KITLG: variants seen among roughly 807,000 people sequenced by gnomAD.
The protein encoded by KITLG is KIT ligand.
Under a neutral mutation model 34.1 loss-of-function variants are expected in KITLG, and 13 were observed. That is an observed-to-expected ratio of 0.38 (90% confidence interval 0.25 to 0.61). KITLG has a LOEUF of 0.61. Among genes scored for constraint, KITLG ranks in the 20% least tolerant of loss-of-function variants. KITLG has a pLI of 0.60. For missense variants in KITLG, 292 were observed against 318.9 expected (o/e 0.92, Z 0.64); for synonymous variants, 110 against 104.0 (o/e 1.06, Z -0.35).
At chr12:88,517,141 T>C (rs987017676) in intron 4 of KITLG, among the ~76,000 whole-genome samples, 2 of 151,840 alleles carry the variant, frequency 1.3e-5, no homozygotes, top group Admixed American at 6.6e-5. Context: ...TAATAACTAG[T>C]GATATATTGA....
intron 8 of KITLG, among the ~76,000 whole-genome samples, 185 bp from the exon 9 acceptor site, chr12:88,505,420 GTCTTTCC>G (rs1444078554): frequency 6.6e-6 from 1 of 152,174 alleles, no homozygotes; most frequent in Non-Finnish European, 1.5e-5. Context: ...TCTTAAGGTA[GTCTTTCC>G]AAGTAGTTAA....
At chr12:88,563,143 T>A (rs937875466) in intron 1 of KITLG, among the ~76,000 whole-genome samples, 2 of 152,212 alleles carry the variant, frequency 1.3e-5, no homozygotes, top group Non-Finnish European at 1.5e-5. Flanking sequence ...AAAGTAGCCA[T>A]TCATAAAAAT....
Position 88,532,451 on chromosome 12 carries a change from A to G in KITLG, c.182T>C (p.Met61Thr). The G allele has an allele frequency of 6.2e-7, 1 of 1,608,786 alleles. No individual in the cohort carries two copies. The highest frequency in any genetic ancestry group is 2.2e-5 in the East Asian group (1 of 44,774). Residue 61 changes from methionine to threonine, a missense_variant, in exon 3 of 10, where the codon ATG becomes ACG. By Grantham distance (81) the Met-to-Thr change is moderately conservative. Transcript: ENST00000644744. Reference sequence around the variant, plus strand: ...ATGTAGTTTACATACCAAAACATCCATCCCGGGGACATATTTGAGGGTTAT... The same window carrying G: ...ATGTAGTTTACATACCAAAACATCCGTCCCGGGGACATATTTGAGGGTTAT... The part of the protein sequence containing the change: ...YMITLKYVPG[M>T]DVLPSHCWIS...
In KITLG at chr12:88,494,205, C is replaced by A. The variant is rs550052996; in HGVS notation, c.*3014G>T. The A allele has an allele frequency of 6.6e-5, 10 of 151,914 alleles. No individual in the cohort carries two copies. The East Asian group carries it at 1.9e-3, about 29-fold the overall frequency. The allele number at this position is 151,914 out of a possible 1,614,324, so 9.4% of individuals were successfully genotyped here. On this transcript the variant is annotated 3_prime_UTR_variant, in exon 10 of 10. Transcript: ENST00000644744. Reference sequence around the variant, plus strand: ...TTTTGCAACATCCATCCCACCATGCCAAAATGCATTTTTGAAGAATATATT... The same window carrying A: ...TTTTGCAACATCCATCCCACCATGCAAAAATGCATTTTTGAAGAATATATT...
intron 1 of KITLG, among the ~76,000 whole-genome samples, chr12:88,561,021 A>T (rs1871282274): frequency 6.6e-6 from 1 of 151,404 alleles, no homozygotes; most frequent in South Asian, 2.1e-4. Context: ...CAGTGTGTTT[A>T]CTCATGCACA....
chr12:88,519,161 C>T (rs1489334593), intron 3 of KITLG, among the ~76,000 whole-genome samples: 1 of 151,966 alleles, frequency 6.6e-6, no homozygotes, highest in Admixed American at 6.6e-5. Context: ...CGTGCCTGGC[C>T]AGATTTTTAA....
At chr12:88,509,529 C>A (rs1362971858) in intron 6 of KITLG, among the ~76,000 whole-genome samples, 2 of 152,136 alleles carry the variant, frequency 1.3e-5, no homozygotes, top group Non-Finnish European at 2.9e-5. Flanking sequence ...ATCCCTAAGA[C>A]TGTGAGCCAA....
At chr12:88,578,926 G>A (rs1273479869) in intron 1 of KITLG, among the ~76,000 whole-genome samples, 2 of 152,188 alleles carry the variant, frequency 1.3e-5, no homozygotes, top group Admixed American at 1.3e-4. Flanking sequence ...TCGACAGCAC[G>A]CTGTGGTGAT....
At chr12:88,558,160 T>TC (rs936940325) in intron 1 of KITLG, among the ~76,000 whole-genome samples, 6 of 152,170 alleles carry the variant, frequency 3.9e-5, no homozygotes, top group East Asian at 1.9e-4. Flanking sequence ...TGTGTTTTTT[T>TC]CCCACTATGG....
At chr12:88,516,822 A>G (rs1869475529) in intron 4 of KITLG, among the ~76,000 whole-genome samples, 1 of 149,190 alleles carries the variant, frequency 6.7e-6, no homozygotes, top group Non-Finnish European at 1.5e-5. Context: ...CCTCCATTAC[A>G]AGAACTTCCA....
At chr12:88,514,231 TA>T (rs906258703) in intron 6 of KITLG, among the ~76,000 whole-genome samples, 2 of 151,628 alleles carry the variant, frequency 1.3e-5, no homozygotes, top group Non-Finnish European at 3.0e-5. Context: ...AAAAATAGTT[TA>T]AAATCAATGA....
chr12:88,519,322 G>A (rs113833898), intron 3 of KITLG, among the ~76,000 whole-genome samples: 1 of 152,044 alleles, frequency 6.6e-6, no homozygotes, highest in Admixed American at 6.6e-5. Context: ...AAGTTTGCAT[G>A]CTTTATATGA....
intron 2 of KITLG, 132 bp from the exon 3 acceptor site, chr12:88,532,635 T>C (rs113260945): frequency 1.4e-5 from 9 of 649,498 alleles, no homozygotes; most frequent in Non-Finnish European, 2.1e-5. Flanking sequence ...AATATTTACA[T>C]GTATATTGAT....
chr12:88,551,766 T>C (rs1393407865), intron 1 of KITLG, among the ~76,000 whole-genome samples: 1 of 152,198 alleles, frequency 6.6e-6, no homozygotes, highest in Admixed American at 6.5e-5. Context: ...AAGATGTCCA[T>C]GTCCTAATTC....
At chr12:88,522,762 T>C (rs1195594450) in intron 3 of KITLG, among the ~76,000 whole-genome samples, 1 of 152,118 alleles carries the variant, frequency 6.6e-6, no homozygotes, top group Non-Finnish European at 1.5e-5. Flanking sequence ...ACGGTAAGAT[T>C]TACGGATTAA....
chr12:88,544,949 C>T (rs535519315), intron 2 of KITLG, among the ~76,000 whole-genome samples: 26 of 152,248 alleles, frequency 1.7e-4, no homozygotes, highest in South Asian at 1.0e-3. Flanking sequence ...GCATCACCTC[C>T]GTTCTCTAGT....
At chr12:88,572,856 C>A (rs1013165776) in intron 1 of KITLG, among the ~76,000 whole-genome samples, 3 of 152,018 alleles carry the variant, frequency 2.0e-5, no homozygotes, top group African/African-American at 4.8e-5. Context: ...ATGTATCTTT[C>A]AAACAGCAGA....
chr12:88,550,173 G>A (rs1870847841), intron 1 of KITLG, among the ~76,000 whole-genome samples: 1 of 152,214 alleles, frequency 6.6e-6, no homozygotes, highest in Non-Finnish European at 1.5e-5. Flanking sequence ...CTTCAAAGGA[G>A]AGCAACTGGA....
At chr12:88,511,523 G>C (rs762021367) in intron 6 of KITLG, among the ~76,000 whole-genome samples, 1 of 152,130 alleles carries the variant, frequency 6.6e-6, no homozygotes, top group Non-Finnish European at 1.5e-5. Context: ...GGAGTTTCTA[G>C]ATCTAGGTTA....
Sources: allele counts gnomAD v4.1 joint callset (sites outside exome capture counted in the v4.1 genomes callset), GRCh38; gene constraint gnomAD v4.1.1; transcripts MANE v1.5; gene names NCBI Gene and HGNC (gene_info 2026-07-23, HGNC 2026-07-21).